NBEAL1: variants seen among roughly 807,000 people sequenced by gnomAD.
The protein encoded by NBEAL1 is neurobeachin like 1.
In NBEAL1, 273 loss-of-function variants were observed where a neutral mutation model predicts 351.3. That is an observed-to-expected ratio of 0.78 (90% confidence interval 0.70 to 0.86). The LOEUF (loss-of-function observed/expected upper bound fraction) is 0.86, where lower values mean the gene tolerates loss of function less well. NBEAL1 is among the 40% of genes least tolerant of loss of function. The pLI, the probability that NBEAL1 is intolerant of heterozygous loss-of-function variation, is 0.00. For missense variants in NBEAL1, 2,961 were observed against 3,201.3 expected, an observed-to-expected ratio of 0.92 and a Z score of 1.81; for synonymous variants, 1,050 against 1,086.4, an observed-to-expected ratio of 0.97 and a Z score of 0.66.
Position 203,162,920 on chromosome 2 carries a change from G to A in NBEAL1, c.5715-3229G>A, listed in dbSNP as rs184447451. On this transcript the variant is annotated intron_variant, in intron 36 of 55. Coordinates refer to ENST00000683969, the MANE Select transcript of NBEAL1 (RefSeq NM_001378026.1). ...TGCAGTCCCAGCACTTTGGGAGGCC[G>A]AGGTAGGCGGATCACCTGAGGTCAG... Among the ~76,000 whole-genome samples, 508 of 152,278 alleles carry A rather than the reference G, an allele frequency of 3.3e-3. 2 individuals are homozygous for A. The highest frequency in any genetic ancestry group is 5.3e-3 in the Non-Finnish European group (359 of 68,032).
chr2:203,057,467 ATAAT>A lies in NBEAL1; in HGVS notation c.515+15_515+18del. The A allele has an allele frequency of 6.5e-7, 1 of 1,537,804 alleles. No homozygotes were observed. The highest frequency in any genetic ancestry group is 2.5e-5 in the East Asian group (1 of 40,736). ...TAGAATTTCAGGGTATGTCTTATAA[ATAAT>A]AACGTTCATTTAAAACCTGAATGTC... is the stretch of plus-strand genomic sequence containing the variant. On this transcript the variant is annotated intron_variant, in intron 6 of 55. Coordinates refer to ENST00000683969, the MANE Select transcript of NBEAL1 (RefSeq NM_001378026.1).
rs769559051 is a variant in NBEAL1 at position 203,157,746 on chromosome 2, G to A, written c.5635G>A (p.Val1879Met). The A allele has an allele frequency of 6.9e-6, 11 of 1,599,042 alleles. No individual in the cohort carries two copies. Among genetic ancestry groups the A allele is most frequent in the South Asian group, 1.1e-5 (1 of 88,134 alleles). Residue 1879 changes from valine (V) to methionine (M), a missense_variant, in exon 36 of 56, where the codon GTG becomes ATG. Physicochemically the swap from Val to Met is conservative, Grantham distance 21 (BLOSUM62 1). Coordinates refer to ENST00000683969, the MANE Select transcript of NBEAL1 (RefSeq NM_001378026.1). ...PSSDTLLLEV[V>M]KQVKVSDMVE... Reference sequence around the variant, plus strand: ...CAGTGATACATTGCTTTTGGAAGTAGTGAAACAAGTAAAAGTTAGTGATAT... The same window carrying A: ...CAGTGATACATTGCTTTTGGAAGTAATGAAACAAGTAAAAGTTAGTGATAT...
chr2:203,047,667 G>A (rs969128950), intron 3 of NBEAL1, among the ~76,000 whole-genome samples: 1 of 151,858 alleles, frequency 6.6e-6, no homozygotes, highest in Non-Finnish European at 1.5e-5. Flanking sequence ...CAATTTTTAA[G>A]TATGGTGTAA....
Position 203,026,256 on chromosome 2 carries a change from A to G in NBEAL1, c.51+9821A>G, listed in dbSNP as rs1464739874. 3.9e-5 allele frequency among the ~76,000 whole-genome samples: 6 copies of G among 152,196 alleles called. No homozygotes were observed. In the East Asian group the frequency reaches 1.2e-3, roughly 29 times the overall value. The stretch of plus-strand genomic sequence containing the variant: ...TTTAAATCATAGATCAGTGTAATTT[A>G]TAATGTTAGATATTTTATTACCTTA... On this transcript the variant is annotated intron_variant, in intron 2 of 55. Transcript: ENST00000683969.
chr2:203,133,807 T>A (rs2063132875), intron 27 of NBEAL1, among the ~76,000 whole-genome samples: 1 of 151,326 alleles, frequency 6.6e-6, no homozygotes, highest in African/African-American at 2.4e-5. Context: ...TTTATTTGTT[T>A]AACTGACAGA....
At chr2:203,020,181 A>G (rs1460906259) in intron 2 of NBEAL1, among the ~76,000 whole-genome samples, 3 of 152,158 alleles carry the variant, frequency 2.0e-5, no homozygotes, top group Non-Finnish European at 2.9e-5. Context: ...TTCTTACCAA[A>G]CTTTTCAGGT....
Position 203,099,622 on chromosome 2 carries a change from T to A in NBEAL1, c.1186-7T>A, listed in dbSNP as rs1393069876. On this transcript the variant is annotated splice_polypyrimidine_tract_variant and splice_region_variant and intron_variant, in intron 11 of 55. Transcript: ENST00000683969. Reference sequence around the variant, plus strand: ...TTAATTTCTTGTTTCCCCTTCCCCCTCAATAGGTGTTTCAGGGACAATTGG... The same window carrying A: ...TTAATTTCTTGTTTCCCCTTCCCCCACAATAGGTGTTTCAGGGACAATTGG... The A allele has an allele frequency of 2.0e-6, 3 of 1,532,170 alleles. No individual in the cohort carries two copies. In the South Asian group the frequency reaches 3.7e-5, roughly 19 times the overall value. The allele number at this position is 1,532,170 out of a possible 1,614,324, so 94.9% of individuals were successfully genotyped here.
chr2:203,070,235 G>C (rs2061658420), intron 7 of NBEAL1, among the ~76,000 whole-genome samples: 1 of 151,272 alleles, frequency 6.6e-6, no homozygotes, highest in Non-Finnish European at 1.5e-5. Flanking sequence ...TATTTGAGGT[G>C]CTTGTTAATT....
intron 10 of NBEAL1, among the ~76,000 whole-genome samples, chr2:203,092,667 A>G (rs2062090326): frequency 6.6e-6 from 1 of 152,210 alleles, no homozygotes; most frequent in Admixed American, 6.5e-5. Flanking sequence ...TACTTCAAAG[A>G]GCTTTTACCT....
intron 2 of NBEAL1, 66 bp downstream of exon 2, chr2:203,016,501 A>T: frequency 2.0e-6 from 2 of 1,013,262 alleles, no homozygotes; most frequent in Admixed American, 2.6e-5. Flanking sequence ...GACTGGCAGT[A>T]GTAACACTTT....
chr2:203,153,422 A>G (rs2063714988), intron 35 of NBEAL1, among the ~76,000 whole-genome samples: 1 of 150,972 alleles, frequency 6.6e-6, no homozygotes, highest in Non-Finnish European at 1.5e-5. Flanking sequence ...GAGATTACAG[A>G]CTTGAGCCGG....
intron 2 of NBEAL1, among the ~76,000 whole-genome samples, chr2:203,039,582 T>C (rs181256816): frequency 0.079 from 11,687 of 147,886 alleles, 592 homozygotes; most frequent in Non-Finnish European, 0.11. Context: ...TTAGTAGAGA[T>C]GGGGTTTCGC....
In NBEAL1 at chr2:203,167,230, T is replaced by C; in HGVS notation, c.5867T>C (p.Val1956Ala). ...YDGSIEKEDG[V>A]GFDFKWPHSQ... ...ACAAGATTTCTTCCGTTTTCAGGAG[T>C]AGGCTTTGATTTCAAGTGGCCTCAT... The change falls in exon 38 of 56, where the codon GTA becomes GCA. Residue 1956 changes from valine to alanine, a missense_variant. Val to Ala is a moderately conservative substitution (Grantham distance 64). Coordinates refer to ENST00000683969, the MANE Select transcript of NBEAL1 (RefSeq NM_001378026.1). The C allele has an allele frequency of 1.2e-6, 2 of 1,608,178 alleles. No individual in the cohort carries two copies. Among genetic ancestry groups the C allele is most frequent in the South Asian group, 1.1e-5 (1 of 89,700 alleles).
In NBEAL1 at chr2:203,166,296, T is replaced by G. The variant is rs1170775280; in HGVS notation, c.5862T>G (p.Asp1954Glu). The G allele has an allele frequency of 3.1e-6, 5 of 1,596,352 alleles. No individual in the cohort carries two copies. The highest frequency in any genetic ancestry group is 4.3e-6 in the Non-Finnish European group (5 of 1,175,896). ...ATGATGGCAGCATTGAAAAAGAAGA[T>G]GGTGAGGAGTTCTGGAAAAAATAAT... ...YFYDGSIEKEDGVGFDFKWPH... is the reference protein window; with the variant it reads ...YFYDGSIEKEEGVGFDFKWPH... Residue 1954 changes from aspartate (D) to glutamate (E), a missense_variant and splice_region_variant, in exon 37 of 56, where the codon GAT becomes GAG. Asp to Glu is a conservative substitution (Grantham distance 45, BLOSUM62 2). Coordinates refer to ENST00000683969, the MANE Select transcript of NBEAL1 (RefSeq NM_001378026.1).
chr2:203,194,598 G>GA (rs1356463334), intron 47 of NBEAL1, among the ~76,000 whole-genome samples: 1 of 152,208 alleles, frequency 6.6e-6, no homozygotes, highest in Non-Finnish European at 1.5e-5. Context: ...GCAGCAGTGA[G>GA]ATAGGTCTAA....
intron 10 of NBEAL1, among the ~76,000 whole-genome samples, chr2:203,095,590 C>A (rs2062166299): frequency 6.6e-6 from 1 of 151,090 alleles, no homozygotes; most frequent in Non-Finnish European, 1.5e-5. Flanking sequence ...CGCGCCCGGC[C>A]CAAGAATTGT....
intron 4 of NBEAL1, among the ~76,000 whole-genome samples, chr2:203,052,637 A>G (rs892764549): frequency 4.6e-5 from 7 of 152,094 alleles, no homozygotes; most frequent in Non-Finnish European, 2.9e-5. Flanking sequence ...GGCTCATTGC[A>G]TCCTTGACCT....
chr2:203,190,729 T>A, intron 46 of NBEAL1: 1 of 1,598,426 alleles, frequency 6.3e-7, no homozygotes, highest in Non-Finnish European at 8.5e-7. Context: ...AAGGTGCAAC[T>A]TTCTTCGGTC....
chr2:203,167,795 C>G (rs2064182383), intron 38 of NBEAL1, among the ~76,000 whole-genome samples: 1 of 152,198 alleles, frequency 6.6e-6, no homozygotes, highest in African/African-American at 2.4e-5. Context: ...CCACCAGTAG[C>G]TGTGTAAGCT....
Sources: allele counts gnomAD v4.1 joint callset (sites outside exome capture counted in the v4.1 genomes callset), GRCh38; gene constraint gnomAD v4.1.1; transcripts MANE v1.5; gene names NCBI Gene and HGNC (gene_info 2026-07-23, HGNC 2026-07-21).